Variants in HYAL4 observed in about 807,000 individuals in gnomAD.
The protein encoded by HYAL4 is hyaluronidase 4.
In HYAL4, 37 loss-of-function variants were observed where a neutral mutation model predicts 35.2. That is an observed-to-expected ratio of 1.05 (90% confidence interval 0.81 to 1.38). HYAL4 has a LOEUF of 1.38. Ranked by LOEUF, HYAL4 falls within the 40% of genes most tolerant of loss-of-function variation. The probability of loss-of-function intolerance (pLI) is 0.00; values close to 1 mark genes in which losing one functional copy is unlikely to be tolerated. For synonymous variants in HYAL4, 198 were observed against 203.2 expected (o/e 0.97, Z 0.22); for missense variants, 572 against 572.4 (o/e 1.00, Z 0.01).
At chr7:123,784,294 G>A in the HYAL4 span, among the ~76,000 whole-genome samples, 3 of 152,168 alleles carry the variant, frequency 2.0e-5, no homozygotes, top group East Asian at 3.8e-4. Context: ...CTGCATAATA[G>A]CAATATCATA....
In HYAL4 at chr7:123,845,661, T is replaced by G. The variant is rs539488226; in HGVS notation, c.-146T>G. 6.6e-6 allele frequency: 1 copy of G among 152,318 alleles called. No homozygotes were observed. Among genetic ancestry groups the G allele is most frequent in the South Asian group, 2.1e-4 (1 of 4,826 alleles). The allele number at this position is 152,318 out of a possible 1,614,324, so 9.4% of individuals were successfully genotyped here. A position where few individuals can be genotyped will look rare whatever the true frequency, so the allele number is the denominator to read the frequency against. On this transcript the variant is annotated 5_prime_UTR_variant, in exon 1 of 5. Coordinates refer to ENST00000223026, the MANE Select transcript of HYAL4 (RefSeq NM_012269.3). ...TTCTTTTTTAGGAAAATCAGGAATT[T>G]CTTCTTGGTTTGGAGCCATTGCTGG...
chr7:123,813,060 G>T, the HYAL4 span, among the ~76,000 whole-genome samples: 1 of 152,038 alleles, frequency 6.6e-6, no homozygotes, highest in Non-Finnish European at 1.5e-5. Context: ...CAAACTTGGG[G>T]TGCTATGTTG....
At chr7:123,869,831 G>T (rs1401907042) in intron 3 of HYAL4, among the ~76,000 whole-genome samples, 1 of 145,148 alleles carries the variant, frequency 6.9e-6, no homozygotes, top group Non-Finnish European at 1.5e-5. Context: ...GGGTTTACAG[G>T]TGCTCACCCC....
At chr7:123,828,458 A>ACG (rs1407476989), upstream of HYAL4, among the ~76,000 whole-genome samples, 1 of 150,840 alleles carries the variant, frequency 6.6e-6, no homozygotes, top group East Asian at 1.9e-4. Context: ...ACACACACAC[A>ACG]CACACCTCTA....
chr7:123,870,570 T>A (rs1806850591), intron 3 of HYAL4, among the ~76,000 whole-genome samples: 1 of 152,114 alleles, frequency 6.6e-6, no homozygotes, highest in South Asian at 2.1e-4. Context: ...AAGACCAGCC[T>A]GACCAAGATA....
At chr7:123,840,239 A>G (rs1416516337), upstream of HYAL4, among the ~76,000 whole-genome samples, 1 of 152,206 alleles carries the variant, frequency 6.6e-6, no homozygotes, top group Non-Finnish European at 1.5e-5. Context: ...TTTATTAAAT[A>G]GGGAATCCTT....
chr7:123,856,681 G>A (rs1479475327), intron 2 of HYAL4, among the ~76,000 whole-genome samples: 1 of 152,174 alleles, frequency 6.6e-6, no homozygotes, highest in African/African-American at 2.4e-5. Context: ...CATTCGAGGA[G>A]GCAGTCTGTC....
chr7:123,805,083 G>T, the HYAL4 span, among the ~76,000 whole-genome samples: 1 of 152,004 alleles, frequency 6.6e-6, no homozygotes, highest in Admixed American at 6.6e-5. Flanking sequence ...GAATGGTAAG[G>T]GTGAAAAAGT....
intron 2 of HYAL4, among the ~76,000 whole-genome samples, chr7:123,848,931 G>A (rs10953985): frequency 0.14 from 20,627 of 151,412 alleles, 1,476 homozygotes; most frequent in African/African-American, 0.15. Context: ...AGAGATAACA[G>A]TCATCTGACA....
the HYAL4 span, among the ~76,000 whole-genome samples, chr7:123,777,150 G>T: frequency 6.6e-6 from 1 of 152,110 alleles, no homozygotes; most frequent in Non-Finnish European, 1.5e-5. Context: ...TTTTATGAAA[G>T]AAATTCTCTT....
chr7:123,843,420 C>T (rs1806107790), upstream of HYAL4, among the ~76,000 whole-genome samples: 1 of 152,020 alleles, frequency 6.6e-6, no homozygotes, highest in South Asian at 2.1e-4. Flanking sequence ...TTCTCTCTGG[C>T]TGCTCTTAAC....
chr7:123,781,518 TTGTCTC>T, the HYAL4 span, among the ~76,000 whole-genome samples: 35 of 149,558 alleles, frequency 2.3e-4, no homozygotes, highest in African/African-American at 7.6e-4. Flanking sequence ...TCTCTATACT[TTGTCTC>T]TGTGTCTTTT....
the HYAL4 span, among the ~76,000 whole-genome samples, chr7:123,800,813 C>T: frequency 8.0e-5 from 12 of 149,520 alleles, no homozygotes; most frequent in Non-Finnish European, 1.2e-4. Flanking sequence ...CGCGTCACCA[C>T]GCTGGCTAAT....
chr7:123,826,252 A>G (rs185129224), upstream of HYAL4, among the ~76,000 whole-genome samples: 2 of 152,228 alleles, frequency 1.3e-5, no homozygotes, highest in East Asian at 3.9e-4. Context: ...CACTGATTCA[A>G]TGCAGCAGGT....
intron 1 of HYAL4, among the ~76,000 whole-genome samples, chr7:123,834,873 G>A (rs1322513486): frequency 6.6e-6 from 1 of 152,088 alleles, no homozygotes; most frequent in East Asian, 1.9e-4. Context: ...TTTGTGTGGT[G>A]TATCACATTT....
At chr7:123,822,502 C>A in the HYAL4 span, among the ~76,000 whole-genome samples, 1 of 152,028 alleles carries the variant, frequency 6.6e-6, no homozygotes, top group Non-Finnish European at 1.5e-5. Flanking sequence ...TATCCTGCAA[C>A]CTTACTGAAT....
At chr7:123,825,177 T>C (rs1805784202), upstream of HYAL4, among the ~76,000 whole-genome samples, 1 of 151,982 alleles carries the variant, frequency 6.6e-6, no homozygotes, top group Admixed American at 6.6e-5. Flanking sequence ...TTTAGATTTT[T>C]ATAAATTATA....
At chr7:123,788,351 G>C in the HYAL4 span, among the ~76,000 whole-genome samples, 1 of 152,184 alleles carries the variant, frequency 6.6e-6, no homozygotes, top group South Asian at 2.1e-4. Flanking sequence ...TCTGGTCTTA[G>C]AAACTTTTAG....
the HYAL4 span, among the ~76,000 whole-genome samples, chr7:123,823,726 ATT>A: frequency 1.1e-4 from 9 of 85,504 alleles, no homozygotes; most frequent in African/African-American, 4.5e-4. Context: ...ACACATATAT[ATT>A]TTATATATAT....
Sources: gnomAD v4.1 joint callset for allele counts (sites outside exome capture counted in the v4.1 genomes callset) on GRCh38, gnomAD v4.1.1 for gene constraint, MANE v1.5 for transcripts, NCBI Gene and HGNC (gene_info 2026-07-23, HGNC 2026-07-21) for gene names.